The following MYRFL variants were observed in gnomAD, a reference collection of about 807,000 sequenced individuals.
MYRFL encodes myelin regulatory factor like.
Under a neutral mutation model 109.4 loss-of-function variants are expected in MYRFL, and 88 were observed. The ratio of observed to expected loss-of-function variants is 0.80; its 90% CI spans 0.68 to 0.96. The LOEUF (loss-of-function observed/expected upper bound fraction) is 0.96, where lower values mean the gene tolerates loss of function less well. MYRFL is among the 40% of genes least tolerant of loss of function. The pLI is 0.00. For synonymous variants in MYRFL, 324 were observed against 320.9 expected (o/e 1.01, Z -0.10); for missense variants, 957 against 954.9 (o/e 1.00, Z -0.03).
chr12:69,940,630 G>A (rs1021908241), intron 19 of MYRFL, among the ~76,000 whole-genome samples: 38 of 152,028 alleles, frequency 2.5e-4, no homozygotes, highest in African/African-American at 8.2e-4. Context: ...ATCAACTAAC[G>A]AGCAAAATAA....
intron 1 of MYRFL, among the ~76,000 whole-genome samples, chr12:69,841,350 A>G (rs1366989365): frequency 6.6e-6 from 1 of 152,236 alleles, no homozygotes; most frequent in Admixed American, 6.5e-5. Flanking sequence ...TCAATGGCTT[A>G]TCCTCCCAAA....
intron 22 of MYRFL, among the ~76,000 whole-genome samples, chr12:69,957,128 T>C (rs1956115528): frequency 6.6e-6 from 1 of 152,230 alleles, no homozygotes; most frequent in Admixed American, 6.5e-5. Flanking sequence ...CTCTTGATGA[T>C]GATTAATGGG....
intron 14 of MYRFL, 127 bp from the exon 15 acceptor site, chr12:69,927,558 T>C: frequency 3.0e-6 from 2 of 664,784 alleles, no homozygotes; most frequent in Non-Finnish European, 4.9e-6. Context: ...CCATGACTTT[T>C]TGTTTTCAAA....
chr12:69,860,200 G>A (rs528014017), intron 2 of MYRFL, among the ~76,000 whole-genome samples: 167 of 152,252 alleles, frequency 1.1e-3, no homozygotes, highest in African/African-American at 3.8e-3. Context: ...AATATGTGGT[G>A]TTTGGTTTTC....
chr12:69,852,583 T>TTTAA (rs1240374417), intron 1 of MYRFL, among the ~76,000 whole-genome samples: 6 of 145,542 alleles, frequency 4.1e-5, no homozygotes, highest in Admixed American at 6.8e-5. Context: ...TTTTTAATTT[T>TTTAA]TTTTTTTTTT....
rs940021545 is a variant in MYRFL at position 69,916,916 on chromosome 12, C to G, written c.1602+5986C>G. ...GCCTTTGCTACTGCCCAACACTTTG[C>G]ACTGAAAACTCCTACATATTCCTTC... On this transcript the variant is annotated intron_variant, in intron 13 of 24. Coordinates refer to ENST00000552032, the MANE Select transcript of MYRFL (RefSeq NM_182530.3). Among the ~76,000 whole-genome samples the G allele has an allele frequency of 3.3e-5, 5 of 152,190 alleles. No individual in the cohort carries two copies. The East Asian group carries it at 9.6e-4, about 29-fold the overall frequency.
At chr12:69,838,626 A>G (rs1395415745) in intron 1 of MYRFL, among the ~76,000 whole-genome samples, 2 of 152,088 alleles carry the variant, frequency 1.3e-5, no homozygotes, top group African/African-American at 4.8e-5. Context: ...ATTCTTCTGT[A>G]TATTAACATT....
At chr12:69,829,649 C>A (rs1410029595) in intron 1 of MYRFL, among the ~76,000 whole-genome samples, 2 of 152,110 alleles carry the variant, frequency 1.3e-5, no homozygotes, top group African/African-American at 4.8e-5. Flanking sequence ...GGGCACCCAG[C>A]AAGTTCAACT....
intron 19 of MYRFL, among the ~76,000 whole-genome samples, chr12:69,939,603 C>T (rs928041531): frequency 4.6e-5 from 7 of 152,164 alleles, no homozygotes; most frequent in Non-Finnish European, 7.3e-5. Context: ...AAAAACAGAA[C>T]AGAAAAACTG....
At chr12:69,879,549 C>G in intron 4 of MYRFL, 96 bp downstream of exon 4, 1 of 617,084 alleles carries the variant, frequency 1.6e-6, no homozygotes, top group East Asian at 2.7e-5. Context: ...ACAGTGGAGT[C>G]CTGTCCAGGA....
chr12:69,860,900 C>G (rs1412181220), intron 2 of MYRFL, among the ~76,000 whole-genome samples: 4 of 115,958 alleles, frequency 3.4e-5, no homozygotes, highest in Non-Finnish European at 7.1e-5. Flanking sequence ...CTCCCCCCTC[C>G]CCCCACCCCA....
At chr12:69,948,427 A>T (rs1310109663) in intron 19 of MYRFL, among the ~76,000 whole-genome samples, 1 of 152,186 alleles carries the variant, frequency 6.6e-6, no homozygotes, top group Non-Finnish European at 1.5e-5. Context: ...CTGTGGAAGA[A>T]GACAAATCTG....
chr12:69,895,758 A>C (rs1039780649), intron 9 of MYRFL, among the ~76,000 whole-genome samples: 1 of 152,114 alleles, frequency 6.6e-6, no homozygotes, highest in African/African-American at 2.4e-5. Flanking sequence ...GAGTGACCAC[A>C]TGTTTATATC....
At chr12:69,910,615 C>A (rs151210389) in intron 12 of MYRFL, among the ~76,000 whole-genome samples, 6 of 148,538 alleles carry the variant, frequency 4.0e-5, no homozygotes, top group Non-Finnish European at 7.4e-5. Context: ...TTACCTCCCC[C>A]CTGTTGGCCC....
At chr12:69,873,865 G>C (rs1446334773) in intron 2 of MYRFL, among the ~76,000 whole-genome samples, 3 of 150,828 alleles carry the variant, frequency 2.0e-5, no homozygotes, top group Non-Finnish European at 4.4e-5. Flanking sequence ...GGCCCCTTCT[G>C]TTTCTTATTC....
chr12:69,877,925 T>A (rs1465837769), intron 2 of MYRFL, among the ~76,000 whole-genome samples: 4 of 152,136 alleles, frequency 2.6e-5, no homozygotes, highest in Admixed American at 6.5e-5. Flanking sequence ...ACTTCTTTAG[T>A]GGTAGTACAC....
At chr12:69,862,881 T>C (rs889264811) in intron 2 of MYRFL, among the ~76,000 whole-genome samples, 2 of 152,200 alleles carry the variant, frequency 1.3e-5, no homozygotes, top group African/African-American at 4.8e-5. Flanking sequence ...ATATTGGCTG[T>C]GGGTTTGTCA....
At chr12:69,842,930 T>C (rs1031111183) in intron 1 of MYRFL, among the ~76,000 whole-genome samples, 1 of 152,234 alleles carries the variant, frequency 6.6e-6, no homozygotes, top group Admixed American at 6.5e-5. Context: ...TGAGCTTGTT[T>C]CTGATTTTAT....
intron 15 of MYRFL, among the ~76,000 whole-genome samples, chr12:69,930,813 GAAAAAAA>G (rs61430519): frequency 3.1e-5 from 4 of 128,388 alleles, no homozygotes; most frequent in African/African-American, 1.2e-4. Context: ...CCCTATCTAA[GAAAAAAA>G]AAAAAAAAAA....
Sources: gnomAD v4.1 joint callset for allele counts (sites outside exome capture counted in the v4.1 genomes callset) on GRCh38, gnomAD v4.1.1 for gene constraint, MANE v1.5 for transcripts, NCBI Gene and HGNC (gene_info 2026-07-23, HGNC 2026-07-21) for gene names.